PRKN: variants seen among roughly 807,000 people sequenced by gnomAD.
The protein encoded by PRKN is E3 ubiquitin-protein ligase parkin.
A neutral mutation model predicts 59.5 loss-of-function variants in PRKN; 56 were observed. The observed-to-expected ratio is 0.94, with a 90% confidence interval of 0.76 to 1.18. The LOEUF (loss-of-function observed/expected upper bound fraction) is 1.18. Among genes scored for constraint, PRKN ranks in the 50% most tolerant of loss-of-function variants. The pLI, the probability that PRKN is intolerant of heterozygous loss-of-function variation, is 0.00. For synonymous variants in PRKN, 250 were observed against 222.1 expected (o/e 1.13, Z -1.12); for missense variants, 657 against 596.4 (o/e 1.10, Z -1.06).
Position 161,355,207 on chromosome 6 carries a change from C to T in PRKN, c.1285+4881G>A, listed in dbSNP as rs369925025. On this transcript the variant is annotated intron_variant, in intron 11 of 11. Transcript: ENST00000366898. The surrounding 1 kb of genome is among the most constrained non-coding windows in gnomAD (Gnocchi z 6.8). ...GCTCATGCAGTCCTGGGGCCTAGGACGCCTCCTCCTGCTCTTCCTTGCCTT... is the reference window on the plus strand; with the variant it reads ...GCTCATGCAGTCCTGGGGCCTAGGATGCCTCCTCCTGCTCTTCCTTGCCTT... 2.0e-5 allele frequency among the ~76,000 whole-genome samples: 3 copies of T among 152,210 alleles called. No individual in the cohort carries two copies. Among genetic ancestry groups the T allele is most frequent in the African/African-American group, 4.8e-5 (2 of 41,468 alleles).
chr6:162,052,905 A>G (rs1777704560), intron 5 of PRKN, among the ~76,000 whole-genome samples: 1 of 152,128 alleles, frequency 6.6e-6, no homozygotes, highest in African/African-American at 2.4e-5. Flanking sequence ...TTATATTATT[A>G]GATGCAATTA....
At position 161,660,168 on chromosome 6, in the gene PRKN, G is replaced by A. The variant is rs149306889; in HGVS notation, c.872-90752C>T. On this transcript the variant is annotated intron_variant, in intron 7 of 11. Transcript: ENST00000366898. ...AATATTACTTAATTAGAAGGGTAGC[G>A]GATGGAGGCCATGGCTCTGCTTGAA... Among the ~76,000 whole-genome samples, 1,072 of 152,228 alleles carry A rather than the reference G, an allele frequency of 7.0e-3. 7 individuals carry two copies. The highest frequency in any genetic ancestry group is 0.01 in the Non-Finnish European group (712 of 68,024).
At position 162,221,661 on chromosome 6, in the gene PRKN, A is replaced by C. The variant is rs141405482; in HGVS notation, c.413-20409T>G. 2.0e-5 allele frequency among the ~76,000 whole-genome samples: 3 copies of C among 152,308 alleles called. No individual in the cohort carries two copies. In the East Asian group the frequency reaches 5.8e-4, roughly 29 times the overall value. ...GACTATGCTTCTCCGGCCTTATTTC[A>C]TTACTCAAAATAAGATGATTGAAAA... On this transcript the variant is annotated intron_variant, in intron 3 of 11. Transcript: ENST00000366898.
At position 161,549,011 on chromosome 6, in the gene PRKN, A is replaced by G. The variant is rs1455133701; in HGVS notation, c.934-8T>C. 1.2e-6 allele frequency: 2 copies of G among 1,614,148 alleles called. No individual in the cohort carries two copies. The highest frequency in any genetic ancestry group is 2.2e-5 in the South Asian group (2 of 91,076). ...CTGCTGGTACCGGTTGTACTGCAAAACCCAAAAAGCAGATTGAGCTTTCAA... is the reference window on the plus strand; with the variant it reads ...CTGCTGGTACCGGTTGTACTGCAAAGCCCAAAAAGCAGATTGAGCTTTCAA... On this transcript the variant is annotated splice_region_variant and splice_polypyrimidine_tract_variant and intron_variant, in intron 8 of 11. Coordinates refer to ENST00000366898, the MANE Select transcript of PRKN (RefSeq NM_004562.3). The surrounding 1 kb of genome is among the most constrained non-coding windows in gnomAD (Gnocchi z 6.0).
At chr6:162,376,862 G>A (rs1786131157) in intron 2 of PRKN, among the ~76,000 whole-genome samples, 2 of 106,828 alleles carry the variant, frequency 1.9e-5, no homozygotes, top group African/African-American at 3.6e-5. Flanking sequence ...GGAGGGGAAA[G>A]GGGGAGGAAG....
chr6:162,187,894 T>C lies in PRKN; in HGVS notation c.534+13237A>G, dbSNP rs190226508. On this transcript the variant is annotated intron_variant, in intron 4 of 11. Transcript: ENST00000366898. ...AAAAGGTTTGTCTTGGACATTAATATGGTTTGGCTGTGTCCCCACCCAAAT... is the reference window on the plus strand; with the variant it reads ...AAAAGGTTTGTCTTGGACATTAATACGGTTTGGCTGTGTCCCCACCCAAAT... Among the ~76,000 whole-genome samples, 14 of 152,244 alleles carry C rather than the reference T, an allele frequency of 9.2e-5. 1 individual carries two copies. Among genetic ancestry groups the C allele is most frequent in the Admixed American group, 6.5e-4 (10 of 15,282 alleles).
chr6:162,468,051 G>A (rs1391118711), intron 1 of PRKN, among the ~76,000 whole-genome samples: 1 of 152,154 alleles, frequency 6.6e-6, no homozygotes, highest in Non-Finnish European at 1.5e-5. Flanking sequence ...CTTGTTTACT[G>A]CTACCGTGGT....
intron 5 of PRKN, among the ~76,000 whole-genome samples, chr6:161,981,136 C>T (rs1313714415): frequency 6.6e-6 from 1 of 152,094 alleles, no homozygotes; most frequent in Non-Finnish European, 1.5e-5. Context: ...TCACAGTTAC[C>T]AAGTTAAGAC....
At chr6:162,024,316 G>T (rs1441189728) in intron 5 of PRKN, among the ~76,000 whole-genome samples, 3 of 146,342 alleles carry the variant, frequency 2.0e-5, no homozygotes, top group Non-Finnish European at 4.5e-5. Context: ...TCCTGCTTCA[G>T]CCCCCAGGTA....
chr6:162,580,625 A>G (rs2128211177), intron 1 of PRKN, among the ~76,000 whole-genome samples: 1 of 152,178 alleles, frequency 6.6e-6, no homozygotes, highest in Middle Eastern at 3.4e-3. Context: ...AGGCAAGAAA[A>G]TATTTTATGA....
In PRKN at chr6:161,424,825, A is replaced by G. The variant is rs146450471; in HGVS notation, c.1084-37948T>C. On this transcript the variant is annotated intron_variant, in intron 9 of 11. Coordinates refer to ENST00000366898, the MANE Select transcript of PRKN (RefSeq NM_004562.3). The stretch of plus-strand genomic sequence containing the variant: ...ATGTTCCTTATTCTGCAGTACCTGG[A>G]AGGGCTTTTGGTGTGTGACAGCAAT... Among the ~76,000 whole-genome samples the G allele has an allele frequency of 2.0e-5, 3 of 152,250 alleles. No homozygotes were observed. In the East Asian group the frequency reaches 5.8e-4, roughly 29 times the overall value.
chr6:162,617,448 T>A (rs1331499637), intron 1 of PRKN, among the ~76,000 whole-genome samples: 2 of 152,182 alleles, frequency 1.3e-5, no homozygotes, highest in Non-Finnish European at 2.9e-5. Flanking sequence ...GCCAGGCTGG[T>A]CTTGAACTCC....
At chr6:161,916,574 G>T (rs1778566256) in intron 6 of PRKN, among the ~76,000 whole-genome samples, 1 of 152,074 alleles carries the variant, frequency 6.6e-6, no homozygotes, top group South Asian at 2.1e-4. Context: ...GCAATGGTCT[G>T]GGCTCTTTTG....
At position 161,992,198 on chromosome 6, in the gene PRKN, G is replaced by C. The variant is rs1048393260; in HGVS notation, c.619-18781C>G. Among the ~76,000 whole-genome samples, 8 of 152,136 alleles carry C rather than the reference G, an allele frequency of 5.3e-5. No homozygotes were observed. In the East Asian group the frequency reaches 1.6e-3, roughly 30 times the overall value. The stretch of plus-strand genomic sequence containing the variant: ...TACTAAAAATACAAAAATTAGTTGA[G>C]TGGGGTGGTGGCGCACCTGTAATCC... On this transcript the variant is annotated intron_variant, in intron 5 of 11. Coordinates refer to ENST00000366898, the MANE Select transcript of PRKN (RefSeq NM_004562.3).
chr6:162,001,257 G>A (rs1314907006), intron 5 of PRKN, among the ~76,000 whole-genome samples: 2 of 151,992 alleles, frequency 1.3e-5, no homozygotes, highest in East Asian at 1.9e-4. Flanking sequence ...TGACAATATT[G>A]AGTCCTCCTA....
At chr6:162,405,038 G>T (rs1787989467) in intron 2 of PRKN, among the ~76,000 whole-genome samples, 1 of 152,072 alleles carries the variant, frequency 6.6e-6, no homozygotes. Flanking sequence ...GAGCAAAAAT[G>T]TCATAAAAAC....
At chr6:162,037,242 G>A (rs1783882233) in intron 5 of PRKN, among the ~76,000 whole-genome samples, 1 of 152,196 alleles carries the variant, frequency 6.6e-6, no homozygotes, top group Admixed American at 6.5e-5. Flanking sequence ...ATAATGAAAT[G>A]TAGAGCAGCC....
At chr6:162,426,329 G>T (rs1311269529) in intron 2 of PRKN, among the ~76,000 whole-genome samples, 1 of 152,196 alleles carries the variant, frequency 6.6e-6, no homozygotes, top group East Asian at 1.9e-4. Flanking sequence ...AGGCATGACT[G>T]TTCAATCATG....
At chr6:161,865,277 C>G (rs147959339) in intron 6 of PRKN, among the ~76,000 whole-genome samples, 96 of 152,216 alleles carry the variant, frequency 6.3e-4, no homozygotes, top group Admixed American at 1.4e-3. Context: ...TTTGTTGTTC[C>G]CTTTATAGAG....
Sources: gnomAD v4.1 joint callset for allele counts (sites outside exome capture counted in the v4.1 genomes callset) on GRCh38, gnomAD v4.1.1 for gene constraint, Gnocchi (gnomAD v3.1) non-coding constraint, MANE v1.5 for transcripts, NCBI Gene and HGNC (gene_info 2026-07-23, HGNC 2026-07-21) for gene names.